SCAF8: variants seen among roughly 807,000 people sequenced by gnomAD.
SCAF8 encodes SR-related and CTD-associated factor 8.
SCAF8 carries 23 observed loss-of-function variants against 140.5 expected under a neutral mutation model. The observed-to-expected ratio is 0.16, with a 90% CI of 0.12 to 0.23. SCAF8 has a LOEUF of 0.23. Ranked by LOEUF, SCAF8 falls within the 10% of genes least tolerant of loss-of-function variation. The pLI is 1.00. For synonymous variants in SCAF8, 575 were observed against 528.9 expected, an observed-to-expected ratio of 1.09 and a Z score of -1.20; for missense variants, 1,397 against 1,555.7, an observed-to-expected ratio of 0.90 and a Z score of 1.72.
chr6:154,818,577 G>T lies in SCAF8; in HGVS notation c.1620G>T (p.Gly540=), dbSNP rs558478005. 1,276 of 1,587,164 alleles carry T rather than the reference G, an allele frequency of 8.0e-4. 32 individuals are homozygous for T. In the South Asian group the frequency reaches 0.014, roughly 17 times the overall value. The part of the protein sequence containing the change: ...QKLSSGSYKI[G]SKVIKIAWAL... ...TCAGTTCTGGATCATATAAAATTGG[G>T]TCCAAGGTCATTAAGGTGAGATTTG... The change falls in exon 14 of 20, where the codon GGG becomes GGT. Residue 540 remains glycine, a synonymous_variant. Coordinates refer to ENST00000367178, the MANE Select transcript of SCAF8 (RefSeq NM_014892.5).
intron 1 of SCAF8, among the ~76,000 whole-genome samples, chr6:154,769,035 C>T (rs181210600): frequency 7.4e-5 from 10 of 136,050 alleles, no homozygotes; most frequent in East Asian, 2.0e-4. Flanking sequence ...TGCACTCCAG[C>T]GTGGGCGACA....
chr6:154,755,813 T>TAGG (rs1163585011), intron 1 of SCAF8, among the ~76,000 whole-genome samples: 1 of 152,338 alleles, frequency 6.6e-6, no homozygotes, highest in Admixed American at 6.5e-5. Context: ...CTTGTTGGTT[T>TAGG]AGGAACTCAG....
intron 1 of SCAF8, among the ~76,000 whole-genome samples, chr6:154,763,999 T>C (rs186813164): frequency 1.4e-4 from 21 of 152,310 alleles, no homozygotes; most frequent in Admixed American, 1.4e-3. Flanking sequence ...TGATGAGTGC[T>C]TTTGAGATCT....
At chr6:154,778,475 T>C (rs1421798837) in intron 3 of SCAF8, among the ~76,000 whole-genome samples, 2 of 152,178 alleles carry the variant, frequency 1.3e-5, no homozygotes, top group Non-Finnish European at 2.9e-5. Flanking sequence ...TAAAATATAG[T>C]ATTGATAGGC....
chr6:154,764,187 C>T lies in SCAF8; in HGVS notation c.31-9802C>T, dbSNP rs538728206. On this transcript the variant is annotated intron_variant, in intron 1 of 19. Coordinates refer to ENST00000367178, the MANE Select transcript of SCAF8 (RefSeq NM_014892.5). ...CTTAAAATTTTACAAGTTTAAGGAA[C>T]GTTCTTTAATGTACATGATGGGAGT... is the stretch of plus-strand genomic sequence containing the variant. Among the ~76,000 whole-genome samples, 36 of 151,782 alleles carry T rather than the reference C, an allele frequency of 2.4e-4. 1 individual carries two copies. Among genetic ancestry groups the T allele is most frequent in the Admixed American group, 2.2e-3 (34 of 15,258 alleles).
intron 1 of SCAF8, among the ~76,000 whole-genome samples, chr6:154,748,566 T>C (rs1188399489): frequency 6.6e-6 from 1 of 152,230 alleles, no homozygotes; most frequent in Non-Finnish European, 1.5e-5. Context: ...TAAGTGGTTT[T>C]TAAATTTGCC....
intron 9 of SCAF8, 74 bp downstream of exon 9, chr6:154,805,560 GC>G: frequency 1.4e-6 from 1 of 704,402 alleles, no homozygotes; most frequent in Non-Finnish European, 2.2e-6. Flanking sequence ...TTGTGGGTTG[GC>G]TTTTTTTTTT....
At chr6:154,807,060 A>G (rs994675961) in intron 9 of SCAF8, among the ~76,000 whole-genome samples, 1 of 152,224 alleles carries the variant, frequency 6.6e-6, no homozygotes, top group African/African-American at 2.4e-5. Context: ...TGCTTTAGTC[A>G]TAGTTTCATT....
intron 1 of SCAF8, chr6:154,741,972 C>T (rs867040521): frequency 2.6e-6 from 4 of 1,533,690 alleles, no homozygotes; most frequent in Non-Finnish European, 3.5e-6. Flanking sequence ...GCCTCTACTC[C>T]TGCTTGTACA....
intron 1 of SCAF8, among the ~76,000 whole-genome samples, chr6:154,748,364 T>A (rs1346754805): frequency 6.6e-6 from 1 of 152,192 alleles, no homozygotes; most frequent in Admixed American, 6.5e-5. Context: ...TATAGTTGCT[T>A]ATGTGGTTTT....
intron 3 of SCAF8, among the ~76,000 whole-genome samples, chr6:154,783,062 T>G (rs1380835620): frequency 6.6e-6 from 1 of 152,212 alleles, no homozygotes; most frequent in Non-Finnish European, 1.5e-5. Context: ...TCCTGAATCC[T>G]AAAGGCAATA....
At chr6:154,829,867 A>G (rs1007568188) in intron 18 of SCAF8, among the ~76,000 whole-genome samples, 4 of 152,344 alleles carry the variant, frequency 2.6e-5, no homozygotes, top group Admixed American at 1.3e-4. Context: ...AGATCACGCT[A>G]CTGCACTCTA....
chr6:154,754,393 C>A (rs1778913956), intron 1 of SCAF8, among the ~76,000 whole-genome samples: 2 of 152,296 alleles, frequency 1.3e-5, no homozygotes, highest in South Asian at 4.1e-4. Flanking sequence ...AGCTAGTGAA[C>A]TTTTTGTTTT....
At chr6:154,808,826 G>T (rs1193644402) in intron 11 of SCAF8, 28 bp downstream of exon 11, 1 of 1,402,764 alleles carries the variant, frequency 7.1e-7, no homozygotes, top group Non-Finnish European at 1.0e-6. Flanking sequence ...AATAATAGCC[G>T]TGTGTGAACT....
intron 6 of SCAF8, among the ~76,000 whole-genome samples, chr6:154,795,915 A>C (rs1023214074): frequency 6.6e-6 from 1 of 152,110 alleles, no homozygotes; most frequent in Non-Finnish European, 1.5e-5. Flanking sequence ...AGATTCTTCA[A>C]ATTTCTTAGA....
In SCAF8 at chr6:154,795,101, G is replaced by A; in HGVS notation, c.568G>A (p.Ala190Thr). The A allele has an allele frequency of 1.2e-6, 2 of 1,613,318 alleles. No individual in the cohort carries two copies. The highest frequency in any genetic ancestry group is 1.7e-6 in the Non-Finnish European group (2 of 1,179,742). The part of the protein sequence containing the change: ...SQITNTDTLA[A>T]VAQILQSPQG... ...GATAACAAATACAGATACACTTGCG[G>A]CTGTAGCTCAGATCTTGCAAAGTCC... The change falls in exon 6 of 20, where the codon GCT (alanine) becomes ACT (threonine). Residue 190 changes from alanine to threonine, a missense_variant. By Grantham distance (58) the Ala-to-Thr change is moderately conservative. This residue lies in a region of SCAF8 where 339 missense variants were observed against 407.5 expected (regional missense o/e 0.83). Transcript: ENST00000367178.
At chr6:154,801,934 A>C in intron 6 of SCAF8, 37 bp from the exon 7 acceptor site, 1 of 1,487,466 alleles carries the variant, frequency 6.7e-7, no homozygotes, top group Non-Finnish European at 9.1e-7. Context: ...GAAAAAACCC[A>C]ACACCTGTTT....
chr6:154,775,035 G>A lies in SCAF8; in HGVS notation c.114+963G>A, dbSNP rs533704605. 5.9e-5 allele frequency among the ~76,000 whole-genome samples: 9 copies of A among 152,188 alleles called. No homozygotes were observed. The South Asian group carries it at 1.7e-3, about 28-fold the overall frequency. On this transcript the variant is annotated intron_variant, in intron 2 of 19. Coordinates refer to ENST00000367178, the MANE Select transcript of SCAF8 (RefSeq NM_014892.5). Reference sequence around the variant, plus strand: ...CCTGCCCTGAATTAAATTATTAACCGTAACCAAAAGCACCAACTATTTAAA... The same window carrying A: ...CCTGCCCTGAATTAAATTATTAACCATAACCAAAAGCACCAACTATTTAAA...
intron 5 of SCAF8, 25 bp from the exon 6 acceptor site, chr6:154,794,984 G>A: frequency 6.4e-7 from 1 of 1,563,282 alleles, no homozygotes. Flanking sequence ...TATTTATTTG[G>A]GGGGTGTGAT....
Sources: gnomAD v4.1 joint callset for allele counts (sites outside exome capture counted in the v4.1 genomes callset) on GRCh38, gnomAD v4.1.1 for gene constraint, gnomAD v4.1.1 regional missense constraint, MANE v1.5 for transcripts, NCBI Gene and HGNC (gene_info 2026-07-23, HGNC 2026-07-21) for gene names.